The following ORC5 variants were observed in gnomAD, a reference collection of about 807,000 sequenced individuals.
ORC5 encodes origin recognition complex subunit 5.
A neutral mutation model predicts 58.8 loss-of-function variants in ORC5; 39 were observed. That is an observed-to-expected ratio of 0.66 (90% confidence interval 0.51 to 0.87). The LOEUF is 0.87. Among genes scored for constraint, ORC5 ranks in the 40% least tolerant of loss-of-function variants. ORC5 has a pLI of 0.00. For synonymous variants in ORC5, 218 were observed against 177.6 expected (o/e 1.23, Z -1.81); for missense variants, 493 against 506.3 (o/e 0.97, Z 0.25).
intron 3 of ORC5, among the ~76,000 whole-genome samples, chr7:104,199,249 C>G (rs1799875171): frequency 6.6e-6 from 1 of 152,212 alleles, no homozygotes; most frequent in African/African-American, 2.4e-5. Context: ...GCAGATTCAA[C>G]AGCTTGCACT....
chr7:104,135,360 G>C (rs778546628), intron 13 of ORC5, among the ~76,000 whole-genome samples: 39 of 151,982 alleles, frequency 2.6e-4, no homozygotes, highest in Non-Finnish European at 5.3e-4. Flanking sequence ...AGTTTTCCTG[G>C]TTTTATTAAA....
intron 13 of ORC5, among the ~76,000 whole-genome samples, chr7:104,134,849 A>G (rs1798564857): frequency 6.6e-6 from 1 of 152,290 alleles, no homozygotes; most frequent in Non-Finnish European, 1.5e-5. Context: ...TACAAAACAC[A>G]GGGATGAGAG....
At chr7:104,201,157 A>C (rs993653639) in intron 2 of ORC5, among the ~76,000 whole-genome samples, 199 bp from the exon 3 acceptor site, 1 of 152,202 alleles carries the variant, frequency 6.6e-6, no homozygotes, top group African/African-American at 2.4e-5. Context: ...GCCAATGGAA[A>C]GAACCAGCAG....
At chr7:104,180,549 C>T (rs1001435238) in intron 8 of ORC5, among the ~76,000 whole-genome samples, 3 of 151,990 alleles carry the variant, frequency 2.0e-5, no homozygotes, top group African/African-American at 7.2e-5. Context: ...TTTGATAGAC[C>T]TCCCTCCCCA....
chr7:104,184,451 C>A, intron 6 of ORC5: 1 of 328,724 alleles, frequency 3.0e-6, no homozygotes, highest in Middle Eastern at 8.8e-4. Flanking sequence ...ATGGCAAGAC[C>A]CTGCTTCTTT....
chr7:104,192,820 T>C (rs1236020604), intron 5 of ORC5, among the ~76,000 whole-genome samples: 4 of 149,810 alleles, frequency 2.7e-5, no homozygotes, highest in Non-Finnish European at 5.9e-5. Context: ...AGATCAGTAA[T>C]GAAATATTCT....
chr7:104,137,668 G>A (rs370688955), intron 12 of ORC5, among the ~76,000 whole-genome samples: 2 of 151,984 alleles, frequency 1.3e-5, no homozygotes, highest in African/African-American at 4.8e-5. Context: ...GCAACATACC[G>A]GCAGACACCA....
chr7:104,168,696 T>G (rs1336808365), intron 8 of ORC5, among the ~76,000 whole-genome samples, 171 bp from the exon 9 acceptor site: 1 of 149,196 alleles, frequency 6.7e-6, no homozygotes, highest in Non-Finnish European at 1.5e-5. Flanking sequence ...ATTTAATGTA[T>G]ATATTAGAAT....
At chr7:104,203,224 T>C (rs1256667576) in intron 2 of ORC5, among the ~76,000 whole-genome samples, 1 of 152,190 alleles carries the variant, frequency 6.6e-6, no homozygotes, top group East Asian at 1.9e-4. Context: ...TCCTCAGTGC[T>C]AGAGGAGGAC....
chr7:104,163,364 A>T (rs547991725), intron 11 of ORC5, among the ~76,000 whole-genome samples: 6 of 152,338 alleles, frequency 3.9e-5, no homozygotes, highest in Admixed American at 1.3e-4. Context: ...GCAACTTCAG[A>T]GGCCACAATG....
chr7:104,167,280 T>C (rs1333357107), intron 9 of ORC5, among the ~76,000 whole-genome samples: 2 of 151,546 alleles, frequency 1.3e-5, no homozygotes, highest in East Asian at 1.9e-4. Flanking sequence ...AGGTTGAGTA[T>C]ACTTTATCTG....
intron 12 of ORC5, among the ~76,000 whole-genome samples, chr7:104,147,208 G>A (rs1798766853): frequency 7.3e-6 from 1 of 137,212 alleles, no homozygotes; most frequent in Admixed American, 7.7e-5. Flanking sequence ...TATGACTTGG[G>A]GCTCAGACTC....
chr7:104,205,027 G>A (rs1355617337), intron 1 of ORC5, among the ~76,000 whole-genome samples: 12 of 150,054 alleles, frequency 8.0e-5, no homozygotes, highest in African/African-American at 2.9e-4. Context: ...TACTTTGGAG[G>A]AAATTATAGT....
In ORC5 at chr7:104,129,979, T is replaced by C. The variant is rs1562800597; in HGVS notation, c.1263-3086A>G. Among the ~76,000 whole-genome samples, 1 of 152,252 alleles carries C rather than the reference T, an allele frequency of 6.6e-6. No homozygotes were observed. The highest frequency in any genetic ancestry group is 6.5e-5 in the Admixed American group (1 of 15,284). On this transcript the variant is annotated intron_variant, in intron 13 of 13. Coordinates refer to ENST00000297431, the MANE Select transcript of ORC5 (RefSeq NM_002553.4). The surrounding 1 kb of genome is among the most constrained non-coding windows in gnomAD (Gnocchi z 4.9). The stretch of plus-strand genomic sequence containing the variant: ...TATCCTTTTATTTCATTTTGTTGAT[T>C]CATTAAAATACTTTTTCTTTCTTTA...
chr7:104,176,560 AG>A (rs1216007462), intron 8 of ORC5, among the ~76,000 whole-genome samples: 3 of 152,112 alleles, frequency 2.0e-5, no homozygotes, highest in Non-Finnish European at 4.4e-5. Flanking sequence ...AATGATGGTC[AG>A]TTGTGCCTAA....
intron 5 of ORC5, 96 bp from the exon 6 acceptor site, chr7:104,188,477 C>T (rs1799600034): frequency 5.0e-6 from 4 of 800,014 alleles, no homozygotes; most frequent in African/African-American, 1.7e-5. Flanking sequence ...AAAAAAACAC[C>T]CAGACCCAGC....
chr7:104,194,221 T>TA lies in ORC5; in HGVS notation c.553+921dup, dbSNP rs928444481. On this transcript the variant is annotated intron_variant, in intron 5 of 13. Coordinates refer to ENST00000297431, the MANE Select transcript of ORC5 (RefSeq NM_002553.4). ...ACTCCATCTATTTTGGGTTGCTGTT[T>TA]AAAAAAAAACTCAGCTAATTGGCTA... Among the ~76,000 whole-genome samples the TA allele has an allele frequency of 1.1e-3, 163 of 151,016 alleles. 1 individual carries two copies. The highest frequency in any genetic ancestry group is 3.7e-3 in the African/African-American group (151 of 41,218).
At chr7:104,198,242 G>A (rs768754566) in intron 3 of ORC5, among the ~76,000 whole-genome samples, 2 of 152,214 alleles carry the variant, frequency 1.3e-5, no homozygotes, top group African/African-American at 4.8e-5. Flanking sequence ...AATAGGCAGA[G>A]GTTGGAACAG....
intron 6 of ORC5, among the ~76,000 whole-genome samples, chr7:104,184,614 C>A (rs1286104680): frequency 6.6e-6 from 1 of 152,154 alleles, no homozygotes; most frequent in Non-Finnish European, 1.5e-5. Flanking sequence ...GAGCATCTCA[C>A]CAAAAATATA....
Sources: gnomAD v4.1 joint callset for allele counts (sites outside exome capture counted in the v4.1 genomes callset) on GRCh38, gnomAD v4.1.1 for gene constraint, Gnocchi (gnomAD v3.1) non-coding constraint, MANE v1.5 for transcripts, NCBI Gene and HGNC (gene_info 2026-07-23, HGNC 2026-07-21) for gene names.